CACNB2: variants seen among roughly 807,000 people sequenced by gnomAD.
The protein encoded by CACNB2 is voltage-dependent L-type calcium channel subunit beta-2.
A neutral mutation model predicts 73.3 loss-of-function variants in CACNB2; 42 were observed. That is an observed-to-expected ratio of 0.57 (90% confidence interval 0.45 to 0.74). CACNB2 has a LOEUF of 0.74. Among genes scored for constraint, CACNB2 ranks in the 30% least tolerant of loss-of-function variants. CACNB2 has a pLI of 0.00. For missense variants in CACNB2, 940 were observed against 853.0 expected (o/e 1.10, Z -1.27); for synonymous variants, 348 against 310.3 (o/e 1.12, Z -1.28).
At chr10:18,400,808 CG>C in intron 2 of CACNB2, 1 of 1,438,388 alleles carries the variant, frequency 7.0e-7, no homozygotes, top group Non-Finnish European at 9.1e-7. Flanking sequence ...ATAAAGCACT[CG>C]AGTGTGTGTT....
At chr10:18,470,574 C>T (rs1183565102) in intron 3 of CACNB2, among the ~76,000 whole-genome samples, 1 of 151,698 alleles carries the variant, frequency 6.6e-6, no homozygotes, top group Non-Finnish European at 1.5e-5. Flanking sequence ...CACTATATCT[C>T]TCACCTTTCT....
intron 2 of CACNB2, among the ~76,000 whole-genome samples, chr10:18,173,873 T>C (rs1007638421): frequency 6.6e-6 from 1 of 152,216 alleles, no homozygotes; most frequent in African/African-American, 2.4e-5. Flanking sequence ...ATTTTACGTT[T>C]CTATAAAAGT....
At chr10:18,401,631 G>T (rs1463705989) in intron 2 of CACNB2, among the ~76,000 whole-genome samples, 1 of 152,142 alleles carries the variant, frequency 6.6e-6, no homozygotes, top group African/African-American at 2.4e-5. Flanking sequence ...GTTCTGCACT[G>T]CACCATCAAG....
chr10:18,393,250 G>A (rs1309499892), intron 2 of CACNB2, among the ~76,000 whole-genome samples: 7 of 151,042 alleles, frequency 4.6e-5, no homozygotes, highest in Admixed American at 6.6e-5. Context: ...TATATTAAAG[G>A]CCTAGAAAAT....
At chr10:18,322,787 A>T (rs1365736015) in intron 2 of CACNB2, among the ~76,000 whole-genome samples, 1 of 152,072 alleles carries the variant, frequency 6.6e-6, no homozygotes, top group African/African-American at 2.4e-5. Context: ...ACATTAATAG[A>T]CTTGTAGTGC....
intron 6 of CACNB2, among the ~76,000 whole-genome samples, chr10:18,510,510 C>T (rs956632719): frequency 9.9e-5 from 15 of 152,164 alleles, no homozygotes; most frequent in African/African-American, 3.4e-4. Context: ...ACCATGTTGG[C>T]CAGGTTGGCC....
At chr10:18,217,633 C>T (rs1021418678) in intron 2 of CACNB2, among the ~76,000 whole-genome samples, 12 of 151,632 alleles carry the variant, frequency 7.9e-5, no homozygotes, top group African/African-American at 2.2e-4. Flanking sequence ...AGATGGTCCT[C>T]ACTGACAGAG....
chr10:18,268,778 T>A (rs1246813984), intron 2 of CACNB2, among the ~76,000 whole-genome samples: 2 of 152,190 alleles, frequency 1.3e-5, no homozygotes, highest in Non-Finnish European at 2.9e-5. Flanking sequence ...CCAGAAAGGC[T>A]TATAAAATTT....
chr10:18,519,119 C>T, intron 9 of CACNB2, 151 bp downstream of exon 9: 3 of 732,850 alleles, frequency 4.1e-6, no homozygotes, highest in Non-Finnish European at 4.9e-6. Flanking sequence ...CTGATTCAAT[C>T]AATATTTATC....
At chr10:18,406,598 T>A (rs893406897) in intron 3 of CACNB2, among the ~76,000 whole-genome samples, 12 of 152,214 alleles carry the variant, frequency 7.9e-5, no homozygotes, top group Middle Eastern at 3.2e-3. Flanking sequence ...CCATCACCCC[T>A]GGATGGGACC....
At chr10:18,526,564 A>G (rs2052489325) in intron 9 of CACNB2, among the ~76,000 whole-genome samples, 1 of 152,140 alleles carries the variant, frequency 6.6e-6, no homozygotes, top group Non-Finnish European at 1.5e-5. Context: ...TGAGCCTTCA[A>G]TTTTGCTTCA....
intron 3 of CACNB2, among the ~76,000 whole-genome samples, chr10:18,431,714 A>T (rs1427031963): frequency 2.0e-5 from 3 of 152,208 alleles, no homozygotes; most frequent in Admixed American, 6.5e-5. Flanking sequence ...CAAAATGGAT[A>T]AGCATGGATA....
At chr10:18,415,052 A>T (rs2044866500) in intron 3 of CACNB2, among the ~76,000 whole-genome samples, 1 of 152,170 alleles carries the variant, frequency 6.6e-6, no homozygotes, top group Non-Finnish European at 1.5e-5. Context: ...ATCGAGTTGG[A>T]ATTTAAGGAA....
intron 2 of CACNB2, among the ~76,000 whole-genome samples, chr10:18,168,086 T>C (rs562982814): frequency 3.9e-5 from 6 of 152,190 alleles, no homozygotes; most frequent in Non-Finnish European, 8.8e-5. Flanking sequence ...AAAAAAATTG[T>C]TGTTTGTTTG....
intron 3 of CACNB2, among the ~76,000 whole-genome samples, chr10:18,404,129 A>T (rs1027526421): frequency 5.9e-5 from 9 of 152,126 alleles, no homozygotes; most frequent in East Asian, 1.9e-4. Flanking sequence ...AAAATTTTTT[A>T]AAAAATAGTT....
intron 3 of CACNB2, among the ~76,000 whole-genome samples, chr10:18,453,897 G>A (rs1402779086): frequency 2.6e-5 from 4 of 152,160 alleles, no homozygotes; most frequent in Admixed American, 2.6e-4. Context: ...AGCCTCACAA[G>A]GTGCTGGGAT....
At chr10:18,484,033 A>G (rs1469728957) in intron 3 of CACNB2, among the ~76,000 whole-genome samples, 1 of 152,230 alleles carries the variant, frequency 6.6e-6, no homozygotes, top group Non-Finnish European at 1.5e-5. Context: ...AAATGATGTC[A>G]CTGGTGTCTA....
intron 2 of CACNB2, among the ~76,000 whole-genome samples, chr10:18,381,489 A>T (rs906470335): frequency 2.0e-5 from 3 of 151,966 alleles, no homozygotes; most frequent in Non-Finnish European, 4.4e-5. Context: ...AGGAGTCAAG[A>T]CCAGCCTGGC....
chr10:18,418,766 G>C (rs1589294559), intron 3 of CACNB2, among the ~76,000 whole-genome samples: 1 of 152,294 alleles, frequency 6.6e-6, no homozygotes, highest in South Asian at 2.1e-4. Context: ...CAGGGCGTCA[G>C]TTCTTGAATA....
Sources: allele counts gnomAD v4.1 joint callset (sites outside exome capture counted in the v4.1 genomes callset), GRCh38; gene constraint gnomAD v4.1.1; transcripts MANE v1.5; gene names NCBI Gene and HGNC (gene_info 2026-07-23, HGNC 2026-07-21).